The following MALRD1 variants were observed in gnomAD, a reference collection of about 807,000 sequenced individuals.
MALRD1 encodes MAM and LDL-receptor class A domain-containing protein 1.
MALRD1 carries 247 observed loss-of-function variants against 242.1 expected under a neutral mutation model. The ratio of observed to expected loss-of-function variants is 1.02; its 90% confidence interval spans 0.92 to 1.13. The LOEUF (loss-of-function observed/expected upper bound fraction) is 1.13, where lower values mean the gene tolerates loss of function less well. Among genes scored for constraint, MALRD1 ranks in the 50% most tolerant of loss-of-function variants. MALRD1 has a pLI of 0.00. For synonymous variants in MALRD1, 995 were observed against 866.6 expected (o/e 1.15, Z -2.60); for missense variants, 2,989 against 2,533.1 (o/e 1.18, Z -3.86).
chr10:19,390,010 A>G (rs1846270294), intron 28 of MALRD1, among the ~76,000 whole-genome samples: 1 of 152,102 alleles, frequency 6.6e-6, no homozygotes, highest in Non-Finnish European at 1.5e-5. Flanking sequence ...TGGCTAGAGA[A>G]GGCCCCCTGT....
intron 36 of MALRD1, among the ~76,000 whole-genome samples, chr10:19,673,192 C>T (rs1403051016): frequency 6.6e-6 from 1 of 152,012 alleles, no homozygotes; most frequent in Non-Finnish European, 1.5e-5. Context: ...ACCATCCTGG[C>T]TAACATGGTG....
chr10:19,207,968 G>A (rs1484436837), intron 17 of MALRD1, among the ~76,000 whole-genome samples: 3 of 152,058 alleles, frequency 2.0e-5, no homozygotes, highest in Admixed American at 6.6e-5. Context: ...TGTTACAATC[G>A]ATCTGATAAC....
chr10:19,661,944 C>T (rs1841459682), intron 36 of MALRD1, among the ~76,000 whole-genome samples: 1 of 151,982 alleles, frequency 6.6e-6, no homozygotes, highest in African/African-American at 2.4e-5. Context: ...CCTAGATGAA[C>T]AAAATAAGTA....
At chr10:19,646,166 C>A (rs1391466146) in intron 36 of MALRD1, among the ~76,000 whole-genome samples, 8 of 152,078 alleles carry the variant, frequency 5.3e-5, no homozygotes, top group African/African-American at 1.9e-4. Flanking sequence ...GTTAGCATTT[C>A]CTTTGCAGCA....
intron 38 of MALRD1, among the ~76,000 whole-genome samples, chr10:19,724,146 A>G (rs952395563): frequency 6.6e-5 from 10 of 152,192 alleles, no homozygotes; most frequent in Non-Finnish European, 1.5e-4. Context: ...AACTATTGTA[A>G]CAGTGTTACT....
At chr10:19,531,164 C>CT in intron 31 of MALRD1, 30 bp from the exon 32 acceptor site, 1 of 1,527,520 alleles carries the variant, frequency 6.5e-7, no homozygotes, top group Non-Finnish European at 8.8e-7. Flanking sequence ...TATCATTACA[C>CT]TGAAAAAAAT....
chr10:19,145,441 C>T lies in MALRD1; in HGVS notation c.1412-757C>T, dbSNP rs1300323368. ...AGCAGATCATTTGAGGTCAGGAGTT[C>T]GAGACCAGCCTGGCCAACGTAGTGA... On this transcript the variant is annotated intron_variant, in intron 10 of 39. Coordinates refer to ENST00000454679, the MANE Select transcript of MALRD1 (RefSeq NM_001142308.3). Among the ~76,000 whole-genome samples the T allele has an allele frequency of 7.2e-5, 11 of 151,958 alleles. No homozygotes were observed. In the East Asian group the frequency reaches 1.9e-3, roughly 27 times the overall value.
At chr10:19,142,171 C>CAAAAAAAAAAAAAAAAAA (rs529000033) in intron 10 of MALRD1, among the ~76,000 whole-genome samples, 2 of 26,266 alleles carry the variant, frequency 7.6e-5, no homozygotes, top group African/African-American at 3.4e-4. Flanking sequence ...GACTCTAACT[C>CAAAAAAAAAAAAAAAAAA]AAAAAAAAAA....
chr10:19,513,913 G>T (rs1485939923), intron 31 of MALRD1, among the ~76,000 whole-genome samples: 3 of 152,064 alleles, frequency 2.0e-5, no homozygotes, highest in Non-Finnish European at 4.4e-5. Flanking sequence ...TATTGGGTTA[G>T]CAATTTAGGT....
intron 27 of MALRD1, among the ~76,000 whole-genome samples, chr10:19,388,979 T>C (rs1035751787): frequency 6.6e-6 from 1 of 151,638 alleles, no homozygotes; most frequent in Non-Finnish European, 1.5e-5. Context: ...ATGTTATGGA[T>C]ATGTCAATGT....
At chr10:19,373,361 A>C (rs1459448242) in intron 26 of MALRD1, among the ~76,000 whole-genome samples, 1 of 151,926 alleles carries the variant, frequency 6.6e-6, no homozygotes, top group Non-Finnish European at 1.5e-5. Flanking sequence ...ACAACAACAA[A>C]AAAATGTAGC....
At chr10:19,125,267 C>CTCTTTCTTTCTT (rs200758216) in intron 7 of MALRD1, among the ~76,000 whole-genome samples, 3 of 135,000 alleles carry the variant, frequency 2.2e-5, no homozygotes, top group Non-Finnish European at 4.7e-5. Flanking sequence ...CTCTTTCTTT[C>CTCTTTCTTTCTT]TCTTTCTTTC....
rs192823635 is a variant in MALRD1, at chr10:19,508,369, C to T, written c.5320+9723C>T. ...AAAAAAGAATTTATGTATGTTGTCTCATTTAATATTTTTAAAACACTGTGA... is the reference window on the plus strand; with the variant it reads ...AAAAAAGAATTTATGTATGTTGTCTTATTTAATATTTTTAAAACACTGTGA... On this transcript the variant is annotated intron_variant, in intron 31 of 39. Transcript: ENST00000454679. Among the ~76,000 whole-genome samples the T allele has an allele frequency of 9.3e-3, 1,416 of 152,240 alleles. 7 individuals are homozygous for T. Among genetic ancestry groups the T allele is most frequent in the Non-Finnish European group, 0.014 (971 of 68,014 alleles).
chr10:19,452,766 G>A, intron 29 of MALRD1, among the ~76,000 whole-genome samples: 1 of 152,178 alleles, frequency 6.6e-6, no homozygotes, highest in East Asian at 1.9e-4. Flanking sequence ...GCTTTCTGCA[G>A]TTGCCACTTC....
At chr10:19,724,095 C>A (rs942271701) in intron 38 of MALRD1, among the ~76,000 whole-genome samples, 1 of 152,022 alleles carries the variant, frequency 6.6e-6, no homozygotes, top group African/African-American at 2.4e-5. Context: ...CTTTTGAGCT[C>A]ATTTTTCTTT....
At chr10:19,122,353 A>G (rs1480894950) in intron 5 of MALRD1, among the ~76,000 whole-genome samples, 1 of 152,214 alleles carries the variant, frequency 6.6e-6, no homozygotes, top group Non-Finnish European at 1.5e-5. Flanking sequence ...TAGTAATGGT[A>G]ATACTCCTTT....
chr10:19,159,014 A>G (rs549615121), intron 12 of MALRD1, among the ~76,000 whole-genome samples: 3 of 152,348 alleles, frequency 2.0e-5, no homozygotes, highest in Admixed American at 1.3e-4. Context: ...ATTCTAGAGG[A>G]AGCAACAGTC....
At chr10:19,236,173 A>G (rs75391730) in intron 18 of MALRD1, among the ~76,000 whole-genome samples, 2 of 152,116 alleles carry the variant, frequency 1.3e-5, no homozygotes, top group South Asian at 2.1e-4. Context: ...TTTTGGATAC[A>G]TGTGGGCACT....
intron 38 of MALRD1, among the ~76,000 whole-genome samples, chr10:19,728,945 A>G (rs1239577686): frequency 1.3e-5 from 2 of 152,218 alleles, no homozygotes; most frequent in Non-Finnish European, 2.9e-5. Context: ...AGAGCAACTA[A>G]TAAGCATTCA....
Sources: allele counts gnomAD v4.1 joint callset (sites outside exome capture counted in the v4.1 genomes callset), GRCh38; gene constraint gnomAD v4.1.1; transcripts MANE v1.5; gene names NCBI Gene and HGNC (gene_info 2026-07-23, HGNC 2026-07-21).